The following CNTNAP3B variants were observed in gnomAD, a reference collection of about 807,000 sequenced individuals.
CNTNAP3B encodes the protein contactin-associated protein-like 3B.
In CNTNAP3B, 25 loss-of-function variants were observed where a neutral mutation model predicts 108.9. The ratio of observed to expected loss-of-function variants is 0.23; its 90% CI spans 0.17 to 0.32. CNTNAP3B has a LOEUF of 0.32. Among genes scored for constraint, CNTNAP3B ranks in the 10% least tolerant of loss-of-function variants. The pLI, the probability that CNTNAP3B is intolerant of heterozygous loss-of-function variation, is 1.00. For missense variants in CNTNAP3B, 252 were observed against 1,210.4 expected, an observed-to-expected ratio of 0.21 and a Z score of 11.75; for synonymous variants, 103 against 473.4, an observed-to-expected ratio of 0.22 and a Z score of 10.16.
chr9:41,958,647 A>T (rs1229293772), intron 12 of CNTNAP3B, among the ~76,000 whole-genome samples: 4 of 151,920 alleles, frequency 2.6e-5, no homozygotes, highest in Admixed American at 6.6e-5. Context: ...CTTACATGGG[A>T]CAGGATGGCC....
In CNTNAP3B at chr9:42,129,273, C is replaced by G. The variant is rs746452970; in HGVS notation, c.-179G>C. On this transcript the variant is annotated 5_prime_UTR_variant, in exon 1 of 24. Transcript: ENST00000377561. Reference sequence around the variant, plus strand: ...GGCAGCCTCCCTCGGCGCTGCAGACCCTCCCGCCAAGCCGCGCCCGGCCCC... The same window carrying G: ...GGCAGCCTCCCTCGGCGCTGCAGACGCTCCCGCCAAGCCGCGCCCGGCCCC... The G allele has an allele frequency of 5.9e-5, 51 of 865,540 alleles. 6 individuals are homozygous for G. In the African/African-American group the frequency reaches 1.2e-3, roughly 20 times the overall value. 53.6% of individuals were successfully genotyped at this position (865,540 alleles called of 1,614,324 possible). A position where few individuals can be genotyped will look rare whatever the true frequency, so the allele number is the denominator to read the frequency against.
intron 3 of CNTNAP3B, among the ~76,000 whole-genome samples, chr9:42,054,044 A>G (rs1827009525): frequency 6.6e-6 from 1 of 151,836 alleles, no homozygotes; most frequent in Admixed American, 6.6e-5. Flanking sequence ...TTGAACTTCA[A>G]TACTACTTTA....
At chr9:41,963,921 T>C (rs1438969028) in intron 11 of CNTNAP3B, among the ~76,000 whole-genome samples, 2 of 152,310 alleles carry the variant, frequency 1.3e-5, no homozygotes, top group Non-Finnish European at 2.9e-5. Context: ...AGGGCTGACA[T>C]AAGTACTCAA....
chr9:41,924,947 C>T (rs1268623129), intron 15 of CNTNAP3B, among the ~76,000 whole-genome samples: 5 of 152,070 alleles, frequency 3.3e-5, no homozygotes, highest in Non-Finnish European at 7.4e-5. Context: ...TCATGTTGTG[C>T]ATTTTTGTCA....
intron 9 of CNTNAP3B, among the ~76,000 whole-genome samples, chr9:41,973,180 C>T: frequency 6.9e-6 from 1 of 144,288 alleles, no homozygotes; most frequent in East Asian, 2.1e-4. Context: ...ATCTCCTGAC[C>T]TCGTGATCCA....
At chr9:42,103,564 A>G (rs1330092982) in intron 2 of CNTNAP3B, among the ~76,000 whole-genome samples, 3 of 122,528 alleles carry the variant, frequency 2.4e-5, no homozygotes, top group Non-Finnish European at 3.4e-5. Flanking sequence ...CCTGCTAAAA[A>G]AAAAAAAAAA....
intron 11 of CNTNAP3B, among the ~76,000 whole-genome samples, chr9:41,961,930 T>C (rs1290622057): frequency 2.0e-5 from 3 of 152,310 alleles, no homozygotes; most frequent in Non-Finnish European, 2.9e-5. Context: ...CATATTGATT[T>C]AAATAGATAC....
chr9:41,931,209 G>A (rs1476577717), intron 14 of CNTNAP3B, among the ~76,000 whole-genome samples: 10,585 of 147,076 alleles, frequency 0.072, 19 homozygotes, highest in Middle Eastern at 0.12. Context: ...GCATGTCAGA[G>A]TTGTACATAT....
In CNTNAP3B at chr9:42,077,015, G is replaced by T. The variant is rs1244609808; in HGVS notation, c.244C>A (p.Gln82Lys). 6.5e-6 allele frequency: 10 copies of T among 1,529,830 alleles called. 2 individuals carry two copies. The South Asian group carries it at 1.2e-4, about 18-fold the overall frequency. 94.8% of individuals were successfully genotyped at this position (1,529,830 alleles called of 1,614,324 possible). ...TCCATTCTCTCTCCAAGGTCAATTTGCAGCCATTGGTATTTATTTGACACA... is the reference window on the plus strand; with the variant it reads ...TCCATTCTCTCTCCAAGGTCAATTTTCAGCCATTGGTATTTATTTGACACA... ...PLVSNKYQWL[Q>K]IDLGERMEVT... Residue 82 changes from glutamine to lysine, a missense_variant, in exon 3 of 24, where the codon CAA becomes AAA. By Grantham distance (53) the Gln-to-Lys change is moderately conservative. Transcript: ENST00000377561.
intron 9 of CNTNAP3B, chr9:41,979,650 A>T (rs868118437): frequency 4.4e-4 from 5 of 11,290 alleles, no homozygotes; most frequent in African/African-American, 1.2e-3. Context: ...TTTAAAAAAT[A>T]TTTTATATAT....
At chr9:42,042,613 G>T (rs1454398363) in intron 3 of CNTNAP3B, among the ~76,000 whole-genome samples, 1 of 119,780 alleles carries the variant, frequency 8.3e-6, no homozygotes, top group Non-Finnish European at 1.7e-5. Context: ...TAGTAATCTG[G>T]AGATGATTTA....
At chr9:41,924,964 C>T (rs1823773254) in intron 15 of CNTNAP3B, among the ~76,000 whole-genome samples, 2 of 151,934 alleles carry the variant, frequency 1.3e-5, no homozygotes, top group South Asian at 4.1e-4. Context: ...GTCAAAAATA[C>T]CACAGAAGGG....
chr9:42,122,035 G>C (rs573943378), intron 1 of CNTNAP3B, among the ~76,000 whole-genome samples: 1 of 139,824 alleles, frequency 7.2e-6, no homozygotes, highest in African/African-American at 2.8e-5. Context: ...GTGTGCACAC[G>C]CAGTGGGTTA....
chr9:41,926,130 T>C (rs1328584502), intron 15 of CNTNAP3B, among the ~76,000 whole-genome samples: 1 of 152,288 alleles, frequency 6.6e-6, no homozygotes, highest in African/African-American at 2.4e-5. Flanking sequence ...ATACCTCCGT[T>C]TTTAACCCAG....
At chr9:41,928,626 CCACA>C (rs1823886720) in intron 15 of CNTNAP3B, among the ~76,000 whole-genome samples, 1 of 152,290 alleles carries the variant, frequency 6.6e-6, no homozygotes, top group Admixed American at 6.5e-5. Context: ...GAAGTAGCCC[CCACA>C]CATTGAGGTA....
rs751225003 is a variant in CNTNAP3B, at chr9:42,077,037, C to T, written c.222G>A (p.Val74=). 4.6e-6 allele frequency: 7 copies of T among 1,535,190 alleles called. 2 individuals are homozygous for T. In the South Asian group the frequency reaches 7.0e-5, roughly 15 times the overall value. The change falls in exon 3 of 24, where the codon GTG becomes GTA. Residue 74 remains valine (V), a synonymous_variant. Transcript: ENST00000377561. ...RDGAGGWTPL[V]SNKYQWLQID... ...TTTGCAGCCATTGGTATTTATTTGA[C>T]ACAAGTGGGGTCCAGCCACCAGCTC...
chr9:42,018,184 TA>T (rs1438907813), intron 3 of CNTNAP3B, among the ~76,000 whole-genome samples: 3 of 132,998 alleles, frequency 2.3e-5, no homozygotes, highest in Non-Finnish European at 3.2e-5. Context: ...TATGCAGAGT[TA>T]ATCAGTAAAA....
intron 12 of CNTNAP3B, among the ~76,000 whole-genome samples, chr9:41,958,889 A>C (rs28627870): frequency 7.8e-6 from 1 of 128,132 alleles, no homozygotes; most frequent in East Asian, 2.2e-4. Context: ...GTGAGAACCC[A>C]GTCAAGCTAG....
At chr9:41,942,600 G>C (rs1181331458) in intron 13 of CNTNAP3B, among the ~76,000 whole-genome samples, 53 of 149,322 alleles carry the variant, frequency 3.5e-4, no homozygotes, top group African/African-American at 1.1e-3. Flanking sequence ...TACAGAGCGA[G>C]ACTCTCTCAA....
Sources: gnomAD v4.1 joint callset for allele counts (sites outside exome capture counted in the v4.1 genomes callset) on GRCh38, gnomAD v4.1.1 for gene constraint, MANE v1.5 for transcripts, NCBI Gene and HGNC (gene_info 2026-07-23, HGNC 2026-07-21) for gene names.